The following ZC3H12B variants were observed in gnomAD, a reference collection of about 807,000 sequenced individuals.
The protein encoded by ZC3H12B is zinc finger CCCH-type containing 12B.
Under a neutral mutation model 43.9 loss-of-function variants are expected in ZC3H12B, and 7 were observed. The observed-to-expected ratio is 0.16, with a 90% CI of 0.09 to 0.30. The LOEUF (loss-of-function observed/expected upper bound fraction) is 0.30. ZC3H12B is among the 10% of genes least tolerant of loss of function. ZC3H12B has a pLI of 1.00. For synonymous variants in ZC3H12B, 222 were observed against 241.7 expected, an observed-to-expected ratio of 0.92 and a Z score of 0.76; for missense variants, 475 against 670.2, an observed-to-expected ratio of 0.71 and a Z score of 3.22.
the ZC3H12B span, among the ~76,000 whole-genome samples, chrX:65,217,530 G>A: frequency 1.8e-5 from 2 of 112,025 alleles, no homozygotes; most frequent in East Asian, 2.8e-4. Flanking sequence ...ATCTGAAATA[G>A]TTTTCTTCAG....
At chrX:65,243,960 C>A in the ZC3H12B span, among the ~76,000 whole-genome samples, 22 of 111,510 alleles carry the variant, frequency 2.0e-4, no homozygotes, top group Non-Finnish European at 3.6e-4. Context: ...TGATGCCTAC[C>A]ATAGGCTGGA....
the ZC3H12B span, among the ~76,000 whole-genome samples, chrX:65,175,852 TCCA>T: frequency 4.3e-4 from 48 of 111,892 alleles, no homozygotes; most frequent in African/African-American, 1.6e-3. Context: ...GACGCTGCAT[TCCA>T]GTGAAGATAC....
At chrX:65,144,722 T>A in the ZC3H12B span, among the ~76,000 whole-genome samples, 3 of 111,761 alleles carry the variant, frequency 2.7e-5, no homozygotes, top group Non-Finnish European at 5.6e-5. Context: ...CTTGATTTCA[T>A]TTTTGACCCA....
chrX:65,159,537 G>A, the ZC3H12B span, among the ~76,000 whole-genome samples: 1 of 111,684 alleles, frequency 9.0e-6, no homozygotes, highest in Non-Finnish European at 1.9e-5. Context: ...AATTGTGAAT[G>A]GGAGTTCACT....
intron 2 of ZC3H12B, among the ~76,000 whole-genome samples, chrX:65,372,486 GGGAA>G (rs1185938409): frequency 5.3e-5 from 5 of 94,926 alleles, no homozygotes; most frequent in African/African-American, 1.2e-4. Context: ...AAGGGAGGAA[GGGAA>G]GGAAGGAAGG....
intron 3 of ZC3H12B, among the ~76,000 whole-genome samples, chrX:65,472,972 G>GTA (rs1569420634): frequency 1.3e-5 from 1 of 78,984 alleles, no homozygotes; most frequent in Non-Finnish European, 2.1e-5. Flanking sequence ...ATGTGTATGT[G>GTA]TGTGTATATA....
intron 3 of ZC3H12B, among the ~76,000 whole-genome samples, chrX:65,464,949 T>C (rs184256739): frequency 1.8e-3 from 205 of 111,421 alleles, no homozygotes; most frequent in African/African-American, 6.4e-3. Context: ...CTTTCATTAT[T>C]AATTTTATAT....
chrX:65,151,304 C>A, the ZC3H12B span, among the ~76,000 whole-genome samples: 1 of 111,816 alleles, frequency 8.9e-6, no homozygotes, highest in Non-Finnish European at 1.9e-5. Context: ...CAAATAAAGG[C>A]TTAAAACATT....
the ZC3H12B span, among the ~76,000 whole-genome samples, chrX:65,329,435 G>T: frequency 1.9e-5 from 2 of 104,693 alleles, no homozygotes; most frequent in African/African-American, 8.4e-5. Flanking sequence ...GTTCATTGTA[G>T]ATTCTGGATA....
At chrX:65,430,185 G>T (rs781326441) in intron 3 of ZC3H12B, among the ~76,000 whole-genome samples, 2 of 111,460 alleles carry the variant, frequency 1.8e-5, no homozygotes, top group Non-Finnish European at 3.8e-5. Flanking sequence ...CTCTGTGTGT[G>T]CCTGAGCAGC....
rs147559628 is a variant in ZC3H12B, at chrX:65,497,463, G to T, written c.748+192G>T. Among the ~76,000 whole-genome samples, 938 of 112,436 alleles carry T rather than the reference G, an allele frequency of 8.3e-3. 16 individuals are homozygous for T. The highest frequency in any genetic ancestry group is 0.029 in the African/African-American group (895 of 30,960). ...TTGTAGCATCTGACAGTTAAATAAAGAAAACTTCAATTCGGCAAAAGATAA... is the reference window on the plus strand; with the variant it reads ...TTGTAGCATCTGACAGTTAAATAAATAAAACTTCAATTCGGCAAAAGATAA... On this transcript the variant is annotated intron_variant, in intron 2 of 4. Transcript: ENST00000338957.
At position 65,453,047 on chromosome X, in the gene ZC3H12B, A is replaced by G. The variant is rs146473583; in HGVS notation, n.408-35599A>G. On this transcript the variant is annotated intron_variant and non_coding_transcript_variant, in intron 3 of 5. Coordinates refer to the ZC3H12B transcript ENST00000617377. ...AAAAAGAGCCCACATAGCCAATGCA[A>G]GACTAAGCAAAAAGATCAAATCTGC... 9.1e-3 allele frequency among the ~76,000 whole-genome samples: 1,005 copies of G among 110,237 alleles called. 9 individuals carry two copies. Among genetic ancestry groups the G allele is most frequent in the Admixed American group, 0.012 (127 of 10,236 alleles).
the ZC3H12B span, among the ~76,000 whole-genome samples, chrX:65,359,171 C>CT: frequency 3.6e-5 from 4 of 111,017 alleles, no homozygotes; most frequent in Non-Finnish European, 7.6e-5. Context: ...AAAAAAAATC[C>CT]TTTCAAGATA....
the ZC3H12B span, among the ~76,000 whole-genome samples, chrX:65,071,256 T>G: frequency 9.1e-6 from 1 of 109,496 alleles, no homozygotes; most frequent in African/African-American, 3.4e-5. Flanking sequence ...CTGTTTTCTC[T>G]GAAATTAGAA....
At chrX:65,492,849 C>T (rs1197646643) in intron 1 of ZC3H12B, among the ~76,000 whole-genome samples, 2 of 111,845 alleles carry the variant, frequency 1.8e-5, no homozygotes, top group Non-Finnish European at 3.8e-5. Context: ...AGCTTGTAAT[C>T]CTAGCACTTT....
At chrX:65,042,605 GCAGAAATGC>G in the ZC3H12B span, among the ~76,000 whole-genome samples, 8 of 112,051 alleles carry the variant, frequency 7.1e-5, no homozygotes, top group Non-Finnish European at 1.5e-4. Context: ...TGAAACTGAA[GCAGAAATGC>G]TTTGTGTAAG....
chrX:65,242,446 T>G, the ZC3H12B span, among the ~76,000 whole-genome samples: 1 of 110,770 alleles, frequency 9.0e-6, no homozygotes, highest in African/African-American at 3.3e-5. Context: ...AAATGAGAGA[T>G]CTCTATAATG....
chrX:65,251,521 A>G, the ZC3H12B span, among the ~76,000 whole-genome samples: 1 of 111,262 alleles, frequency 9.0e-6, no homozygotes, highest in Non-Finnish European at 1.9e-5. Context: ...TCTATAAATT[A>G]CCTTGGACCG....
the ZC3H12B span, among the ~76,000 whole-genome samples, chrX:65,156,207 T>G: frequency 1.8e-5 from 2 of 111,064 alleles, no homozygotes; most frequent in African/African-American, 6.6e-5. Context: ...TATTTTTTCT[T>G]TTAAGACAGG....
Sources: gnomAD v4.1 joint callset for allele counts (sites outside exome capture counted in the v4.1 genomes callset) on GRCh38, gnomAD v4.1.1 for gene constraint, MANE v1.5 for transcripts, NCBI Gene and HGNC (gene_info 2026-07-23, HGNC 2026-07-21) for gene names.